The following HSD17B11 variants were observed in gnomAD, a reference collection of about 807,000 sequenced individuals.
HSD17B11 encodes the protein hydroxysteroid 17-beta dehydrogenase 11.
In HSD17B11, 22 loss-of-function variants were observed where a neutral mutation model predicts 27.8. The observed-to-expected ratio is 0.79, with a 90% CI of 0.56 to 1.13. The LOEUF is 1.13. Ranked by LOEUF, HSD17B11 falls within the 50% of genes most tolerant of loss-of-function variation. HSD17B11 has a pLI of 0.00. For synonymous variants in HSD17B11, 117 were observed against 132.8 expected (o/e 0.88, Z 0.82); for missense variants, 314 against 351.1 (o/e 0.89, Z 0.84).
intron 4 of HSD17B11, among the ~76,000 whole-genome samples, chr4:87,367,263 AG>A (rs1354943134): frequency 7.9e-5 from 12 of 152,182 alleles, no homozygotes; most frequent in Non-Finnish European, 1.3e-4. Flanking sequence ...AGCCAATAAA[AG>A]CCCTATGGGA....
At chr4:87,373,875 AG>A (rs1735769411) in intron 3 of HSD17B11, among the ~76,000 whole-genome samples, 1 of 151,946 alleles carries the variant, frequency 6.6e-6, no homozygotes, top group Non-Finnish European at 1.5e-5. Flanking sequence ...GAAAACTTTG[AG>A]GGGCCTTTTT....
At chr4:87,353,423 T>TTCTC (rs1226546247) in intron 5 of HSD17B11, among the ~76,000 whole-genome samples, 1 of 152,218 alleles carries the variant, frequency 6.6e-6, no homozygotes, top group Non-Finnish European at 1.5e-5. Context: ...GAGGAACATG[T>TTCTC]TCTCTCTTCT....
At position 87,382,246 on chromosome 4, in the gene HSD17B11, A is replaced by G. The variant is rs764111514; in HGVS notation, c.318+9T>C. On this transcript the variant is annotated intron_variant, in intron 2 of 6. Transcript: ENST00000358290. ...CATGATATGATTCTAACTAAACACA[A>G]CATTTCACCTTCTTTGCAGAGCTGT... 1.2e-5 allele frequency: 19 copies of G among 1,599,272 alleles called. 1 individual carries two copies. Among genetic ancestry groups the G allele is most frequent in the Non-Finnish European group, 1.5e-5 (17 of 1,166,822 alleles).
At chr4:87,368,656 G>A (rs989151705) in intron 4 of HSD17B11, among the ~76,000 whole-genome samples, 34 of 152,194 alleles carry the variant, frequency 2.2e-4, no homozygotes, top group African/African-American at 8.0e-4. Flanking sequence ...GTCACAGGAT[G>A]AGATAGGAGG....
chr4:87,378,901 TATAA>T lies in HSD17B11; in HGVS notation c.318+3350_318+3353del, dbSNP rs1560769388. Among the ~76,000 whole-genome samples, 9 of 12,680 alleles carry T rather than the reference TATAA, an allele frequency of 7.1e-4. 1 individual carries two copies. Among genetic ancestry groups the T allele is most frequent in the Admixed American group, 1.2e-3 (1 of 822 alleles). The allele number at this position is 12,680 out of a possible 152,430, so 8.3% of individuals were successfully genotyped here. ...ATATAAATATATATATATAAATATA[TATAA>T]ATATATATATATAAATATATATAAA... On this transcript the variant is annotated intron_variant, in intron 2 of 6. Coordinates refer to ENST00000358290, the MANE Select transcript of HSD17B11 (RefSeq NM_016245.5).
chr4:87,356,929 C>T (rs553407356), intron 5 of HSD17B11, among the ~76,000 whole-genome samples: 6 of 152,216 alleles, frequency 3.9e-5, no homozygotes, highest in Admixed American at 3.3e-4. Flanking sequence ...CTACCCCAAC[C>T]AAACCCAGTA....
chr4:87,371,025 T>G (rs1735707702), intron 4 of HSD17B11, among the ~76,000 whole-genome samples: 1 of 139,064 alleles, frequency 7.2e-6, no homozygotes, highest in South Asian at 2.1e-4. Flanking sequence ...GTGCTGGGAT[T>G]ACAGGCGTGA....
At position 87,378,907 on chromosome 4, in the gene HSD17B11, T is replaced by A. The variant is rs1462578387; in HGVS notation, c.318+3348A>T. Reference sequence around the variant, plus strand: ...ATATATATATATAAATATATATAAATATATATATATAAATATATATAAATA... The same window carrying A: ...ATATATATATATAAATATATATAAAAATATATATATAAATATATATAAATA... On this transcript the variant is annotated intron_variant, in intron 2 of 6. Transcript: ENST00000358290. Among the ~76,000 whole-genome samples, 23 of 16,914 alleles carry A rather than the reference T, an allele frequency of 1.4e-3. 2 individuals are homozygous for A. The highest frequency in any genetic ancestry group is 3.9e-3 in the East Asian group (3 of 772). 11.1% of individuals were successfully genotyped at this position (16,914 alleles called of 152,430 possible).
intron 4 of HSD17B11, among the ~76,000 whole-genome samples, chr4:87,372,242 C>CAA (rs10618602): frequency 2.7e-4 from 27 of 99,348 alleles, no homozygotes; most frequent in East Asian, 5.6e-4. Flanking sequence ...GACTCCGTCT[C>CAA]AAAAAAAAAA....
chr4:87,384,729 TG>T (rs1720262577), intron 1 of HSD17B11, among the ~76,000 whole-genome samples: 7 of 150,818 alleles, frequency 4.6e-5, no homozygotes, highest in Admixed American at 4.6e-4. Flanking sequence ...ACCGGTTCTC[TG>T]CTCTCGAACC....
At chr4:87,360,687 G>GAT (rs2110119034) in intron 4 of HSD17B11, among the ~76,000 whole-genome samples, 2 of 152,304 alleles carry the variant, frequency 1.3e-5, no homozygotes, top group South Asian at 4.1e-4. Flanking sequence ...ACTTCTGGTA[G>GAT]ATATCTGGCC....
intron 5 of HSD17B11, among the ~76,000 whole-genome samples, chr4:87,346,026 T>G (rs955063490): frequency 1.3e-5 from 2 of 152,142 alleles, no homozygotes; most frequent in African/African-American, 4.8e-5. Flanking sequence ...GGAATATAGA[T>G]GCAAAAATTC....
Position 87,343,842 on chromosome 4 carries a change from C to T in HSD17B11, c.696-3236G>A, listed in dbSNP as rs529265630. On this transcript the variant is annotated intron_variant, in intron 5 of 6. Coordinates refer to ENST00000358290, the MANE Select transcript of HSD17B11 (RefSeq NM_016245.5). ...GGATTACAGGCGTGAGCCACTGTGCCTGGCCTCAACTCTTTAAATCTCAGG... is the reference window on the plus strand; with the variant it reads ...GGATTACAGGCGTGAGCCACTGTGCTTGGCCTCAACTCTTTAAATCTCAGG... 3.3e-5 allele frequency among the ~76,000 whole-genome samples: 5 copies of T among 152,268 alleles called. No individual in the cohort carries two copies. In the South Asian group the frequency reaches 1.0e-3, roughly 32 times the overall value.
intron 1 of HSD17B11, among the ~76,000 whole-genome samples, chr4:87,390,299 GACGCCCGCCACC>G (rs888794175): frequency 1.9e-4 from 29 of 152,302 alleles, no homozygotes; most frequent in African/African-American, 6.5e-4. Context: ...TGGGACTACA[GACGCCCGCCACC>G]ACGCCCGGCT....
At chr4:87,346,300 G>A (rs1039780220) in intron 5 of HSD17B11, among the ~76,000 whole-genome samples, 12 of 152,204 alleles carry the variant, frequency 7.9e-5, no homozygotes, top group Non-Finnish European at 1.0e-4. Flanking sequence ...TTTGTGTAAT[G>A]CAGTCTGATT....
chr4:87,380,484 A>AAAAAAAAAAG (rs1578046554), intron 2 of HSD17B11, among the ~76,000 whole-genome samples: 1 of 138,694 alleles, frequency 7.2e-6, no homozygotes, highest in Non-Finnish European at 1.5e-5. Context: ...AAAAAAAAAA[A>AAAAAAAAAAG]AAAAGAAAAA....
intron 2 of HSD17B11, 55 bp downstream of exon 2, chr4:87,382,200 C>G (rs780152528): frequency 3.5e-4 from 475 of 1,351,698 alleles, no homozygotes; most frequent in Non-Finnish European, 4.7e-4. Context: ...GGGTCATCTC[C>G]AAAACACCTC....
chr4:87,375,646 C>A (rs534161301), intron 2 of HSD17B11, among the ~76,000 whole-genome samples: 1 of 152,336 alleles, frequency 6.6e-6, no homozygotes, highest in African/African-American at 2.4e-5. Flanking sequence ...GAGGCTGAGG[C>A]AGGAGAATCG....
rs12499635 is a variant in HSD17B11, at chr4:87,368,445, T to C, written c.557+4264A>G. Among the ~76,000 whole-genome samples, 684 of 152,282 alleles carry C rather than the reference T, an allele frequency of 4.5e-3. 23 individuals are homozygous for C. Among genetic ancestry groups the C allele is most frequent in the Admixed American group, 0.039 (596 of 15,302 alleles). On this transcript the variant is annotated intron_variant, in intron 4 of 6. Coordinates refer to ENST00000358290, the MANE Select transcript of HSD17B11 (RefSeq NM_016245.5). ...CCCTAACAGTTAGGCAGGAATATCA[T>C]GGCCCCATTCAGCCTGAAGAAGTTA...
Sources: allele counts gnomAD v4.1 joint callset (sites outside exome capture counted in the v4.1 genomes callset), GRCh38; gene constraint gnomAD v4.1.1; transcripts MANE v1.5; gene names NCBI Gene and HGNC (gene_info 2026-07-23, HGNC 2026-07-21).